The following BNIP1 variants were observed in gnomAD, a reference collection of about 807,000 sequenced individuals.
BNIP1 encodes vesicle transport protein SEC20.
A neutral mutation model predicts 28.5 loss-of-function variants in BNIP1; 25 were observed. That is an observed-to-expected ratio of 0.88 (90% CI 0.64 to 1.23). BNIP1 has a LOEUF of 1.23. BNIP1 is among the 50% of genes most tolerant of loss of function. The pLI is 0.00. For synonymous variants in BNIP1, 118 were observed against 101.7 expected (o/e 1.16, Z -0.96); for missense variants, 276 against 277.0 (o/e 1.00, Z 0.02).
intron 2 of BNIP1, 61 bp from the exon 3 acceptor site, chr5:173,154,261 C>A: frequency 2.0e-6 from 3 of 1,488,136 alleles, no homozygotes; most frequent in Admixed American, 1.8e-5. Flanking sequence ...AATAGAAATG[C>A]TCTTCTGCTT....
intron 3 of BNIP1, among the ~76,000 whole-genome samples, chr5:173,155,240 A>G (rs911045590): frequency 6.6e-6 from 1 of 152,246 alleles, no homozygotes; most frequent in Admixed American, 6.5e-5. Flanking sequence ...AGTTACAGTT[A>G]TATGCCATTT....
At chr5:173,144,743 G>A in intron 1 of BNIP1, 114 bp downstream of exon 1, 1 of 1,107,014 alleles carries the variant, frequency 9.0e-7, no homozygotes, top group Middle Eastern at 2.2e-4. Flanking sequence ...CCAGACCACA[G>A]GCTCCGCCCC....
intron 2 of BNIP1, among the ~76,000 whole-genome samples, chr5:173,150,240 G>A (rs1050343048): frequency 1.3e-5 from 2 of 150,678 alleles, no homozygotes; most frequent in Non-Finnish European, 3.0e-5. Context: ...CCTGGGTGAC[G>A]GAGCAAGACC....
At chr5:173,160,874 C>A (rs948485613) in intron 5 of BNIP1, 4 of 456,134 alleles carry the variant, frequency 8.8e-6, no homozygotes, top group African/African-American at 6.0e-5. Flanking sequence ...TGCTTGAGAC[C>A]ATCTGGTTTC....
At chr5:173,163,594 A>G in intron 5 of BNIP1, 131 bp from the exon 6 acceptor site, 2 of 797,488 alleles carry the variant, frequency 2.5e-6, no homozygotes, top group Non-Finnish European at 1.9e-6. Context: ...TGGTCTCCAC[A>G]TGCTTTGATT....
At chr5:173,157,602 A>G (rs980865134) in intron 3 of BNIP1, among the ~76,000 whole-genome samples, 4 of 152,082 alleles carry the variant, frequency 2.6e-5, no homozygotes, top group Admixed American at 2.0e-4. Flanking sequence ...TTTAGTAGAG[A>G]CAGGGTTTTA....
intron 2 of BNIP1, among the ~76,000 whole-genome samples, chr5:173,152,419 G>A (rs1204662080): frequency 6.6e-6 from 1 of 151,054 alleles, no homozygotes; most frequent in East Asian, 1.9e-4. Context: ...GCACGATCTC[G>A]GCTCACTGCA....
At chr5:173,146,372 C>T (rs1451991471) in intron 1 of BNIP1, among the ~76,000 whole-genome samples, 1 of 152,230 alleles carries the variant, frequency 6.6e-6, no homozygotes, top group Non-Finnish European at 1.5e-5. Flanking sequence ...GATTCTAAAT[C>T]TGCCCTTAAA....
Position 173,158,736 on chromosome 5 carries a change from A to G in BNIP1, c.270-8A>G. 5 of 1,611,664 alleles carry G rather than the reference A, an allele frequency of 3.1e-6. No homozygotes were observed. Among genetic ancestry groups the G allele is most frequent in the Non-Finnish European group, 4.2e-6 (5 of 1,178,276 alleles). On this transcript the variant is annotated splice_polypyrimidine_tract_variant and splice_region_variant and intron_variant, in intron 3 of 5. Coordinates refer to ENST00000351486, the MANE Select transcript of BNIP1 (RefSeq NM_001205.3). ...GGACACACTCACACGTGAACCTTCC[A>G]ATTCCAGCAATCAGGCCTCATGGAG...
intron 2 of BNIP1, among the ~76,000 whole-genome samples, 186 bp downstream of exon 2, chr5:173,147,144 C>T (rs1210868498): frequency 6.6e-6 from 1 of 152,126 alleles, no homozygotes; most frequent in African/African-American, 2.4e-5. Flanking sequence ...CGGTGGCTCA[C>T]GCCTGTAATC....
At chr5:173,158,661 T>C (rs770291700) in intron 3 of BNIP1, 83 bp from the exon 4 acceptor site, 28 of 1,094,498 alleles carry the variant, frequency 2.6e-5, no homozygotes, top group Non-Finnish European at 3.6e-5. Context: ...CCGTGTGCCT[T>C]TGTTGGGGGG....
chr5:173,157,475 C>T (rs1454370478), intron 3 of BNIP1, among the ~76,000 whole-genome samples: 2 of 151,374 alleles, frequency 1.3e-5, no homozygotes, highest in East Asian at 3.9e-4. Flanking sequence ...AGTGCAGTGG[C>T]GTGATCTTGG....
chr5:173,145,962 A>T (rs981910857), intron 1 of BNIP1, among the ~76,000 whole-genome samples: 1 of 152,374 alleles, frequency 6.6e-6, no homozygotes, highest in South Asian at 2.1e-4. Context: ...TGATGTATAC[A>T]TTACAAAACT....
chr5:173,156,234 G>A (rs1049698166), intron 3 of BNIP1, among the ~76,000 whole-genome samples: 2 of 152,208 alleles, frequency 1.3e-5, no homozygotes, highest in African/African-American at 4.8e-5. Context: ...GTACAGAGGA[G>A]CCCTTGTATA....
At chr5:173,151,193 A>G (rs1037429584) in intron 2 of BNIP1, among the ~76,000 whole-genome samples, 1 of 152,104 alleles carries the variant, frequency 6.6e-6, no homozygotes, top group African/African-American at 2.4e-5. Flanking sequence ...TTTCCATTTC[A>G]GTAATCAGAG....
At chr5:173,155,656 G>T (rs181340327) in intron 3 of BNIP1, among the ~76,000 whole-genome samples, 4 of 152,002 alleles carry the variant, frequency 2.6e-5, no homozygotes, top group Admixed American at 2.0e-4. Context: ...CGAGATTGCT[G>T]CACTCCAGCC....
intron 1 of BNIP1, among the ~76,000 whole-genome samples, chr5:173,145,471 G>C (rs5745107): frequency 6.6e-6 from 1 of 152,190 alleles, no homozygotes; most frequent in African/African-American, 2.4e-5. Context: ...GCGCGATCTC[G>C]ACTCGCGGCA....
intron 3 of BNIP1, among the ~76,000 whole-genome samples, chr5:173,158,229 C>T (rs1219219965): frequency 2.0e-5 from 3 of 152,142 alleles, no homozygotes; most frequent in East Asian, 3.8e-4. Context: ...CTGTGCCTGG[C>T]CACGATTTTT....
At chr5:173,151,807 C>T (rs2113845126) in intron 2 of BNIP1, 3 of 1,486,220 alleles carry the variant, frequency 2.0e-6, no homozygotes, top group Non-Finnish European at 2.7e-6. Context: ...TATTATGGCA[C>T]CTAGGAAGGA....
Sources: gnomAD v4.1 joint callset for allele counts (sites outside exome capture counted in the v4.1 genomes callset) on GRCh38, gnomAD v4.1.1 for gene constraint, MANE v1.5 for transcripts, NCBI Gene and HGNC (gene_info 2026-07-23, HGNC 2026-07-21) for gene names.